Variants in AUTS2 observed in about 807,000 individuals in gnomAD.
AUTS2 encodes activator of transcription and developmental regulator AUTS2, also known as autism susceptibility gene 2 protein.
AUTS2 carries 17 observed loss-of-function variants against 112.4 expected under a neutral mutation model. The observed-to-expected ratio is 0.15, with a 90% CI of 0.10 to 0.23. AUTS2 has a LOEUF of 0.23. Among genes scored for constraint, AUTS2 ranks in the 10% least tolerant of loss-of-function variants. AUTS2 has a pLI of 1.00. For synonymous variants in AUTS2, 751 were observed against 702.7 expected (o/e 1.07, Z -1.09); for missense variants, 1,510 against 1,701.6 (o/e 0.89, Z 1.98).
chr7:70,743,022 G>A (rs539542552), intron 6 of AUTS2, among the ~76,000 whole-genome samples: 13 of 152,256 alleles, frequency 8.5e-5, no homozygotes, highest in Admixed American at 2.0e-4. Flanking sequence ...ATGTTGCCTT[G>A]CAAAATTGTA....
chr7:70,100,594 A>C (rs1804433454), intron 2 of AUTS2, among the ~76,000 whole-genome samples: 3 of 149,212 alleles, frequency 2.0e-5, no homozygotes, highest in Admixed American at 6.7e-5. Flanking sequence ...CCACCCCACA[A>C]TAGGCCCTGG....
chr7:70,548,906 A>G (rs1800903289), intron 5 of AUTS2, among the ~76,000 whole-genome samples: 1 of 142,854 alleles, frequency 7.0e-6, no homozygotes, highest in South Asian at 2.2e-4. Flanking sequence ...ACATTTTAGG[A>G]TCATCTTGTC....
intron 5 of AUTS2, among the ~76,000 whole-genome samples, chr7:70,650,551 C>CT (rs1203015739): frequency 6.6e-6 from 1 of 152,226 alleles, no homozygotes; most frequent in African/African-American, 2.4e-5. Flanking sequence ...TCTCTTTTCT[C>CT]TTACTGTGAC....
chr7:70,088,663 C>T (rs770037600), intron 2 of AUTS2, among the ~76,000 whole-genome samples: 5 of 151,186 alleles, frequency 3.3e-5, no homozygotes, highest in Non-Finnish European at 7.4e-5. Context: ...CCCAGGCTGG[C>T]GTGCAATGGC....
chr7:70,557,022 C>T (rs987216684), intron 5 of AUTS2, among the ~76,000 whole-genome samples: 2 of 152,238 alleles, frequency 1.3e-5, no homozygotes, highest in African/African-American at 4.8e-5. Context: ...TGCCACTTCT[C>T]ACACTGCCAC....
At chr7:70,203,836 T>C (rs935065366) in intron 4 of AUTS2, among the ~76,000 whole-genome samples, 23 of 151,702 alleles carry the variant, frequency 1.5e-4, no homozygotes, top group African/African-American at 5.1e-4. Flanking sequence ...ATTGTGAATG[T>C]CAAGGAAATA....
intron 5 of AUTS2, among the ~76,000 whole-genome samples, chr7:70,451,051 T>C (rs964544333): frequency 6.6e-6 from 1 of 152,154 alleles, no homozygotes; most frequent in Non-Finnish European, 1.5e-5. Context: ...GATCCCAATT[T>C]TAGTTCAGTG....
At chr7:69,800,723 T>C (rs922894544) in intron 1 of AUTS2, among the ~76,000 whole-genome samples, 24 of 152,168 alleles carry the variant, frequency 1.6e-4, no homozygotes, top group African/African-American at 5.5e-4. Context: ...TGACAAGTAC[T>C]ATGAGTCAGA....
chr7:69,783,811 T>C (rs993820013), intron 1 of AUTS2, among the ~76,000 whole-genome samples: 1 of 152,214 alleles, frequency 6.6e-6, no homozygotes, highest in Non-Finnish European at 1.5e-5. Flanking sequence ...CGGACTGTTT[T>C]TGATCATTTG....
At chr7:70,286,308 G>A (rs890388068) in intron 4 of AUTS2, among the ~76,000 whole-genome samples, 2 of 152,234 alleles carry the variant, frequency 1.3e-5, no homozygotes, top group Non-Finnish European at 2.9e-5. Flanking sequence ...ACCTGTGGAA[G>A]AGTATCAGTA....
intron 2 of AUTS2, among the ~76,000 whole-genome samples, chr7:70,072,656 A>G (rs1802830027): frequency 6.6e-6 from 1 of 152,188 alleles, no homozygotes; most frequent in South Asian, 2.1e-4. Context: ...CACCACCATT[A>G]ATGACATTTT....
chr7:69,904,385 G>A (rs945521985), intron 2 of AUTS2, among the ~76,000 whole-genome samples: 7 of 152,168 alleles, frequency 4.6e-5, no homozygotes, highest in South Asian at 2.1e-4. Context: ...TTCAAGTCTC[G>A]TTTCTGAAGA....
At chr7:69,611,754 C>T (rs559670457) in intron 1 of AUTS2, among the ~76,000 whole-genome samples, 2 of 150,990 alleles carry the variant, frequency 1.3e-5, no homozygotes, top group Non-Finnish European at 3.0e-5. Flanking sequence ...CAAGGTGAAA[C>T]CCCGTCTCTA....
chr7:70,738,268 C>T (rs916295524), intron 6 of AUTS2, among the ~76,000 whole-genome samples: 2 of 152,126 alleles, frequency 1.3e-5, no homozygotes, highest in African/African-American at 4.8e-5. Flanking sequence ...GGTGCTAGAA[C>T]CTGTAACTCC....
chr7:70,714,432 A>G (rs1336530719), intron 6 of AUTS2, among the ~76,000 whole-genome samples: 1 of 152,214 alleles, frequency 6.6e-6, no homozygotes, highest in Non-Finnish European at 1.5e-5. Context: ...CATTTCTTAC[A>G]AAATCACATG....
At chr7:70,742,590 C>G (rs1292680704) in intron 6 of AUTS2, among the ~76,000 whole-genome samples, 2 of 152,074 alleles carry the variant, frequency 1.3e-5, no homozygotes, top group Admixed American at 1.3e-4. Context: ...TGGAGAAACC[C>G]CATCTCTACT....
chr7:70,219,066 T>C (rs576216451), intron 4 of AUTS2, among the ~76,000 whole-genome samples: 1 of 152,366 alleles, frequency 6.6e-6, no homozygotes, highest in South Asian at 2.1e-4. Flanking sequence ...AAAACAGATT[T>C]GTTTTCCACT....
chr7:70,638,763 T>C (rs916690248), intron 5 of AUTS2, among the ~76,000 whole-genome samples: 2 of 152,216 alleles, frequency 1.3e-5, no homozygotes, highest in African/African-American at 4.8e-5. Context: ...GTAACAGAGA[T>C]GCAATTCTCT....
intron 6 of AUTS2, among the ~76,000 whole-genome samples, chr7:70,751,158 A>T (rs1585625583): frequency 6.6e-6 from 1 of 152,184 alleles, no homozygotes; most frequent in South Asian, 2.1e-4. Context: ...TGTGCTTCAG[A>T]TGGTGACCAG....
Sources: allele counts gnomAD v4.1 joint callset (sites outside exome capture counted in the v4.1 genomes callset), GRCh38; gene constraint gnomAD v4.1.1; transcripts MANE v1.5; gene names NCBI Gene and HGNC (gene_info 2026-07-23, HGNC 2026-07-21).